The following FAM171A1 variants were observed in gnomAD, a reference collection of about 807,000 sequenced individuals.
FAM171A1 encodes the protein family with sequence similarity 171 member A1, also known as protein FAM171A1.
In FAM171A1, 23 loss-of-function variants were observed where a neutral mutation model predicts 74.9. The observed-to-expected ratio is 0.31, with a 90% confidence interval of 0.22 to 0.44. FAM171A1 has a LOEUF of 0.44. Among genes scored for constraint, FAM171A1 ranks in the 20% least tolerant of loss-of-function variants. The probability of loss-of-function intolerance (pLI) is 1.00; values close to 1 mark genes in which losing one functional copy is unlikely to be tolerated. For missense variants in FAM171A1, 1,162 were observed against 1,159.2 expected, an observed-to-expected ratio of 1.00 and a Z score of -0.03; for synonymous variants, 527 against 505.7, an observed-to-expected ratio of 1.04 and a Z score of -0.57.
In FAM171A1 at chr10:15,213,056, C is replaced by T. The variant is rs776897004; in HGVS notation, c.2532G>A (p.Ser844=). 5 of 1,613,602 alleles carry T rather than the reference C, an allele frequency of 3.1e-6. No homozygotes were observed. Among genetic ancestry groups the T allele is most frequent in the East Asian group, 2.2e-5 (1 of 44,852 alleles). The change falls in exon 8 of 8, where the codon TCG becomes TCA. Residue 844 remains serine, a synonymous_variant. Transcript: ENST00000378116. This position sits in a 1 kb window ranked among gnomAD's most constrained non-coding sequence, Gnocchi z 6.8. ...ETTRRTADAP[S]EPAASPHQRR... is the part of the protein sequence containing the mutation. Reference sequence around the variant, plus strand: ...TCTGGTGGGGGCTGGCTGCTGGCTCCGAGGGGGCATCCGCAGTCCGTCTGG... The same window carrying T: ...TCTGGTGGGGGCTGGCTGCTGGCTCTGAGGGGGCATCCGCAGTCCGTCTGG...
intron 1 of FAM171A1, among the ~76,000 whole-genome samples, chr10:15,354,017 A>G (rs548142819): frequency 6.6e-6 from 1 of 152,348 alleles, no homozygotes; most frequent in Non-Finnish European, 1.5e-5. Context: ...ACTCAGAATG[A>G]ATGTCATCAA....
chr10:15,357,384 C>T (rs572047250), intron 1 of FAM171A1, among the ~76,000 whole-genome samples: 3 of 152,096 alleles, frequency 2.0e-5, no homozygotes, highest in East Asian at 3.9e-4. Flanking sequence ...TACATAATGT[C>T]GATTTATATG....
intron 4 of FAM171A1, among the ~76,000 whole-genome samples, chr10:15,253,263 C>T (rs11259579): frequency 0.081 from 12,304 of 152,184 alleles, 594 homozygotes; most frequent in Middle Eastern, 0.15. Context: ...CTCGGCCTCC[C>T]AAAGTGCTGG....
chr10:15,275,917 G>A lies in FAM171A1; in HGVS notation c.356C>T (p.Pro119Leu), dbSNP rs1834887514. Residue 119 changes from proline to leucine, a missense_variant, in exon 3 of 8, where the codon CCA becomes CTA. Transcript: ENST00000378116. ...VFSSLSLGLLPERSATLMVYE... is the reference protein window; with the variant it reads ...VFSSLSLGLLLERSATLMVYE... The stretch of plus-strand genomic sequence containing the variant: ...TACCATTAGAGTGGCAGAGCGTTCT[G>A]GAAGCAGGCCAAGGCTCAGAGAGGA... 6.2e-7 allele frequency: 1 copy of A among 1,612,866 alleles called. No homozygotes were observed. Among genetic ancestry groups the A allele is most frequent in the Middle Eastern group, 1.7e-4 (1 of 6,056 alleles).
At chr10:15,328,436 G>A (rs1835584752) in intron 1 of FAM171A1, among the ~76,000 whole-genome samples, 1 of 152,016 alleles carries the variant, frequency 6.6e-6, no homozygotes, top group Non-Finnish European at 1.5e-5. Flanking sequence ...CATGAACCAC[G>A]GCGCCTGGCC....
At chr10:15,325,763 G>T (rs971412367) in intron 1 of FAM171A1, among the ~76,000 whole-genome samples, 1 of 151,994 alleles carries the variant, frequency 6.6e-6, no homozygotes, top group African/African-American at 2.4e-5. Flanking sequence ...TGGCTTCCAC[G>T]TCCAATTGGA....
At chr10:15,229,534 T>A (rs913005092) in intron 5 of FAM171A1, among the ~76,000 whole-genome samples, 1 of 102,544 alleles carries the variant, frequency 9.8e-6, no homozygotes, top group African/African-American at 3.8e-5. Context: ...CCCCTCACCA[T>A]CATCACCATC....
chr10:15,293,112 T>C (rs1419143346), intron 1 of FAM171A1, among the ~76,000 whole-genome samples: 1 of 152,170 alleles, frequency 6.6e-6, no homozygotes, highest in Non-Finnish European at 1.5e-5. Context: ...AGTTATTTTG[T>C]GTTTCTGTTT....
chr10:15,219,822 C>T (rs1480262160), intron 6 of FAM171A1, among the ~76,000 whole-genome samples: 5 of 152,318 alleles, frequency 3.3e-5, no homozygotes, highest in Non-Finnish European at 4.4e-5. Flanking sequence ...CCTCGTGATC[C>T]GCCCTCCTCG....
chr10:15,282,441 C>A (rs1034643941), intron 2 of FAM171A1, among the ~76,000 whole-genome samples: 3 of 152,196 alleles, frequency 2.0e-5, no homozygotes, highest in South Asian at 4.1e-4. Context: ...AAAACAAAGG[C>A]ACGTACTATT....
intron 1 of FAM171A1, among the ~76,000 whole-genome samples, chr10:15,315,802 G>A (rs149343059): frequency 4.1e-4 from 62 of 152,262 alleles, no homozygotes; most frequent in African/African-American, 1.4e-3. Context: ...GACAAGGAGC[G>A]GCTGGAGAGG....
At chr10:15,319,722 C>G (rs1481880615) in intron 1 of FAM171A1, among the ~76,000 whole-genome samples, 1 of 152,106 alleles carries the variant, frequency 6.6e-6, no homozygotes, top group African/African-American at 2.4e-5. Flanking sequence ...CATGAGCCAC[C>G]CCGCCTGGTC....
At chr10:15,350,737 C>T (rs1680102193) in intron 1 of FAM171A1, among the ~76,000 whole-genome samples, 1 of 147,918 alleles carries the variant, frequency 6.8e-6, no homozygotes, top group Non-Finnish European at 1.5e-5. Flanking sequence ...CTCCCAGGTT[C>T]GAGCGATCGA....
intron 1 of FAM171A1, among the ~76,000 whole-genome samples, chr10:15,286,125 A>G (rs1433246599): frequency 6.6e-6 from 1 of 152,242 alleles, no homozygotes; most frequent in Non-Finnish European, 1.5e-5. Flanking sequence ...GACACAAGCT[A>G]CTGCAATTGT....
intron 1 of FAM171A1, among the ~76,000 whole-genome samples, chr10:15,332,451 C>T (rs1835651219): frequency 6.6e-6 from 1 of 152,076 alleles, no homozygotes; most frequent in Admixed American, 6.5e-5. Context: ...GCATGGGCAC[C>T]AACAGTATGG....
intron 1 of FAM171A1, among the ~76,000 whole-genome samples, chr10:15,302,916 C>T (rs367728073): frequency 2.7e-4 from 41 of 152,292 alleles, no homozygotes; most frequent in African/African-American, 6.0e-4. Context: ...AGGCCGGGCG[C>T]GGTGGCTCAC....
intron 5 of FAM171A1, among the ~76,000 whole-genome samples, chr10:15,244,451 A>G (rs1005493889): frequency 6.6e-6 from 1 of 152,222 alleles, no homozygotes; most frequent in East Asian, 1.9e-4. Flanking sequence ...CTCTTGAGAT[A>G]GAGACTGTAG....
At chr10:15,366,678 A>C (rs978023130) in intron 1 of FAM171A1, among the ~76,000 whole-genome samples, 3 of 152,174 alleles carry the variant, frequency 2.0e-5, no homozygotes, top group Non-Finnish European at 4.4e-5. Context: ...CTCTCTCTAG[A>C]TCTCTGAAAT....
At chr10:15,233,239 G>A (rs1401922268) in intron 5 of FAM171A1, among the ~76,000 whole-genome samples, 1 of 152,062 alleles carries the variant, frequency 6.6e-6, no homozygotes, top group East Asian at 1.9e-4. Flanking sequence ...AGCTTGCAGT[G>A]AGTGGAGATC....
Sources: gnomAD v4.1 joint callset for allele counts (sites outside exome capture counted in the v4.1 genomes callset) on GRCh38, gnomAD v4.1.1 for gene constraint, Gnocchi (gnomAD v3.1) non-coding constraint, MANE v1.5 for transcripts, NCBI Gene and HGNC (gene_info 2026-07-23, HGNC 2026-07-21) for gene names.